The following ARHGAP39 variants were observed in gnomAD, a reference collection of about 807,000 sequenced individuals.
ARHGAP39 encodes the protein Rho GTPase activating protein 39.
Under a neutral mutation model 106.9 loss-of-function variants are expected in ARHGAP39, and 44 were observed. The observed-to-expected ratio is 0.41, with a 90% CI of 0.32 to 0.53. The LOEUF (loss-of-function observed/expected upper bound fraction) is 0.53. ARHGAP39 is among the 20% of genes least tolerant of loss of function. The pLI is 0.21. For missense variants in ARHGAP39, 1,496 were observed against 1,577.3 expected (o/e 0.95, Z 0.87); for synonymous variants, 768 against 693.2 (o/e 1.11, Z -1.69).
At chr8:144,659,019 G>A (rs1034161563) in intron 1 of ARHGAP39, among the ~76,000 whole-genome samples, 1 of 152,076 alleles carries the variant, frequency 6.6e-6, no homozygotes, top group Non-Finnish European at 1.5e-5. Context: ...AGCCCAACAG[G>A]GTTAGGGTGT....
In ARHGAP39 at chr8:144,529,214, G is replaced by A. The variant is rs948165132; in HGVS notation, c.*1208C>T. ...GTGCACTTTATTCACTCGTGTCGTC[G>A]CCTCTCGGGTCCATGCGTCGGGGCG... On this transcript the variant is annotated 3_prime_UTR_variant, in exon 12 of 12. Transcript: ENST00000377307. 23 of 291,574 alleles carry A rather than the reference G, an allele frequency of 7.9e-5. No homozygotes were observed. Among genetic ancestry groups the A allele is most frequent in the African/African-American group, 2.2e-4 (10 of 45,078 alleles). 18.1% of individuals were successfully genotyped at this position (291,574 alleles called of 1,614,324 possible). A position where few individuals can be genotyped will look rare whatever the true frequency, so the allele number is the denominator to read the frequency against.
In ARHGAP39 at chr8:144,684,142, C is replaced by T. The variant is rs538144424; in HGVS notation, c.-82+1544G>A. Among the ~76,000 whole-genome samples the T allele has an allele frequency of 2.0e-5, 3 of 152,350 alleles. No individual in the cohort carries two copies. Among genetic ancestry groups the T allele is most frequent in the Admixed American group, 2.0e-4 (3 of 15,308 alleles). ...CCCTCCTGTCCACTCTGCTCCCCTGCCTCTCAGGAAGACAGCTGGCTACAC... is the reference window on the plus strand; with the variant it reads ...CCCTCCTGTCCACTCTGCTCCCCTGTCTCTCAGGAAGACAGCTGGCTACAC... On this transcript the variant is annotated intron_variant, in intron 1 of 11. Coordinates refer to ENST00000377307, the MANE Select transcript of ARHGAP39 (RefSeq NM_025251.3). The surrounding 1 kb of genome is among the most constrained non-coding windows in gnomAD (Gnocchi z 4.4).
chr8:144,689,978 C>G (rs998858026), upstream of ARHGAP39, among the ~76,000 whole-genome samples: 2 of 148,914 alleles, frequency 1.3e-5, no homozygotes, highest in Non-Finnish European at 3.0e-5. Context: ...AACGCCCGAC[C>G]TCAGGTGATC....
chr8:144,611,639 G>C (rs968145202), intron 1 of ARHGAP39, among the ~76,000 whole-genome samples: 1 of 152,190 alleles, frequency 6.6e-6, no homozygotes, highest in African/African-American at 2.4e-5. Context: ...TGATATTACA[G>C]TAACTCCGGA....
chr8:144,605,088 T>G (rs1183825883), intron 2 of ARHGAP39, among the ~76,000 whole-genome samples: 1 of 151,954 alleles, frequency 6.6e-6, no homozygotes, highest in Non-Finnish European at 1.5e-5. Flanking sequence ...GCAACAGACC[T>G]CATCTTTACA....
intron 4 of ARHGAP39, among the ~76,000 whole-genome samples, chr8:144,552,326 C>T (rs1227275245): frequency 2.0e-5 from 3 of 152,372 alleles, no homozygotes; most frequent in Non-Finnish European, 2.9e-5. Context: ...CTGCTGCTGT[C>T]GCTCCTGAGA....
At position 144,605,444 on chromosome 8, in the gene ARHGAP39, T is replaced by A. The variant is rs141966296; in HGVS notation, c.80+91A>T. 4.5e-3 allele frequency: 6,025 copies of A among 1,352,036 alleles called. 29 individuals are homozygous for A. The highest frequency in any genetic ancestry group is 6.0e-3 in the Non-Finnish European group (5,713 of 956,598). The allele number at this position is 1,352,036 out of a possible 1,614,324, so 83.8% of individuals were successfully genotyped here. A position where few individuals can be genotyped will look rare whatever the true frequency, so the allele number is the denominator to read the frequency against. ...CGACGAATCCATTCTCCACGGAGAA[T>A]CCTGCATGCACACTGCTTTCTCTGC... On this transcript the variant is annotated intron_variant, in intron 2 of 11. Transcript: ENST00000377307.
intron 1 of ARHGAP39, among the ~76,000 whole-genome samples, chr8:144,607,608 G>A (rs1014071258): frequency 6.6e-5 from 10 of 152,094 alleles, no homozygotes; most frequent in Non-Finnish European, 1.5e-4. Context: ...GATACTAGCT[G>A]TGCTAATTCA....
Position 144,585,434 on chromosome 8 carries a change from C to T in ARHGAP39, c.81-4157G>A, listed in dbSNP as rs541550093. Among the ~76,000 whole-genome samples the T allele has an allele frequency of 2.6e-5, 4 of 151,052 alleles. No individual in the cohort carries two copies. The highest frequency in any genetic ancestry group is 2.1e-4 in the South Asian group (1 of 4,686). On this transcript the variant is annotated intron_variant, in intron 2 of 11. Transcript: ENST00000377307. The surrounding 1 kb of genome is among the most constrained non-coding windows in gnomAD (Gnocchi z 4.6). ...GGGGCCAGCCAGGGGTACCCAGCAC[C>T]GGCTCACCGAGAACCTGGAGGGGCC...
chr8:144,687,691 C>T (rs1586660385), upstream of ARHGAP39, among the ~76,000 whole-genome samples: 2 of 111,338 alleles, frequency 1.8e-5, no homozygotes. Context: ...CTTCCCACCC[C>T]GTGACCACAC....
chr8:144,620,838 G>A (rs751115455), intron 1 of ARHGAP39, among the ~76,000 whole-genome samples: 20 of 152,378 alleles, frequency 1.3e-4, no homozygotes, highest in African/African-American at 4.6e-4. Flanking sequence ...CAGAAGAGGG[G>A]CCGTGAGGAC....
In ARHGAP39 at chr8:144,586,836, A is replaced by G. The variant is rs1293135557; in HGVS notation, c.81-5559T>C. On this transcript the variant is annotated intron_variant, in intron 2 of 11. Transcript: ENST00000377307. This position sits in a 1 kb window ranked among gnomAD's most constrained non-coding sequence, Gnocchi z 4.2. ...GGACAGCAGCCATCAGCAACCCTAC[A>G]TGGCTGCACGCCCATCTCATACACC... Among the ~76,000 whole-genome samples the G allele has an allele frequency of 1.3e-5, 2 of 152,156 alleles. No individual in the cohort carries two copies. Among genetic ancestry groups the G allele is most frequent in the Non-Finnish European group, 2.9e-5 (2 of 68,014 alleles).
intron 1 of ARHGAP39, among the ~76,000 whole-genome samples, chr8:144,663,668 G>C (rs932531409): frequency 4.6e-5 from 7 of 152,068 alleles, no homozygotes; most frequent in Non-Finnish European, 1.0e-4. Context: ...CCCATTCCCC[G>C]GGAGGCCTCC....
rs543688701 is a variant in ARHGAP39, at chr8:144,579,658, G to A, written c.512+1188C>T. 1.8e-4 allele frequency among the ~76,000 whole-genome samples: 28 copies of A among 152,188 alleles called. No homozygotes were observed. The South Asian group carries it at 2.9e-3, about 16-fold the overall frequency. On this transcript the variant is annotated intron_variant, in intron 3 of 11. Transcript: ENST00000377307. ...CCGCCTCCCTCTGTGCCTGCACCTCGGCACGGTGGGACGGAAGCCTGCTGT... is the reference window on the plus strand; with the variant it reads ...CCGCCTCCCTCTGTGCCTGCACCTCAGCACGGTGGGACGGAAGCCTGCTGT...
intron 4 of ARHGAP39, among the ~76,000 whole-genome samples, chr8:144,551,344 A>C (rs1163383807): frequency 1.3e-5 from 2 of 152,132 alleles, no homozygotes; most frequent in Non-Finnish European, 2.9e-5. Flanking sequence ...TGGGGCAGAG[A>C]TGAAGAAAGG....
chr8:144,540,472 T>A (rs1480645696), intron 6 of ARHGAP39, among the ~76,000 whole-genome samples: 1 of 152,226 alleles, frequency 6.6e-6, no homozygotes, highest in East Asian at 1.9e-4. Context: ...ATGATTATTT[T>A]AAAATATCAG....
chr8:144,607,573 G>A (rs1037116360), intron 1 of ARHGAP39, among the ~76,000 whole-genome samples: 1 of 151,912 alleles, frequency 6.6e-6, no homozygotes, highest in Non-Finnish European at 1.5e-5. Context: ...CCCCCACCCC[G>A]CCCCCCAGGA....
At chr8:144,546,938 C>T (rs1215382965) in intron 5 of ARHGAP39, among the ~76,000 whole-genome samples, 189 bp downstream of exon 5, 1 of 152,212 alleles carries the variant, frequency 6.6e-6, no homozygotes, top group Non-Finnish European at 1.5e-5. Context: ...ACGGGGCCTC[C>T]TCGTGGACTC....
chr8:144,673,199 AGATT>A (rs895250140), intron 1 of ARHGAP39, among the ~76,000 whole-genome samples: 3 of 151,420 alleles, frequency 2.0e-5, no homozygotes, highest in African/African-American at 7.3e-5. Context: ...CCTGGGTGAT[AGATT>A]GAGAACCTGT....
Sources: gnomAD v4.1 joint callset for allele counts (sites outside exome capture counted in the v4.1 genomes callset) on GRCh38, gnomAD v4.1.1 for gene constraint, Gnocchi (gnomAD v3.1) non-coding constraint, MANE v1.5 for transcripts, NCBI Gene and HGNC (gene_info 2026-07-23, HGNC 2026-07-21) for gene names.